Variants in PMPCB observed in about 807,000 individuals in gnomAD.
PMPCB encodes the protein mitochondrial-processing peptidase subunit beta.
A neutral mutation model predicts 61.5 loss-of-function variants in PMPCB; 46 were observed. The observed-to-expected ratio is 0.75, with a 90% CI of 0.59 to 0.96. PMPCB has a LOEUF of 0.96. Among genes scored for constraint, PMPCB ranks in the 40% least tolerant of loss-of-function variants. The probability of loss-of-function intolerance (pLI) is 0.00; values close to 1 mark genes in which losing one functional copy is unlikely to be tolerated. For synonymous variants in PMPCB, 191 were observed against 201.6 expected, an observed-to-expected ratio of 0.95 and a Z score of 0.44; for missense variants, 590 against 602.4, an observed-to-expected ratio of 0.98 and a Z score of 0.22.
rs182795573 is a variant in PMPCB, at chr7:103,314,369, G to C, written c.*2098G>C. The C allele has an allele frequency of 1.0e-6, 1 of 985,352 alleles. No individual in the cohort carries two copies. Among genetic ancestry groups the C allele is most frequent in the Admixed American group, 6.1e-5 (1 of 16,276 alleles). The allele number at this position is 985,352 out of a possible 1,614,324, so 61.0% of individuals were successfully genotyped here. ...TGCTGTTTAATGGTACAACTGAAGA[G>C]GAAGGAGCCTTCCCATTTCCATAAA... On this transcript the variant is annotated 3_prime_UTR_variant, in exon 13 of 13. Transcript: ENST00000249269.
At chr7:103,310,184 C>T (rs1295056645) in intron 8 of PMPCB, 131 bp from the exon 9 acceptor site, 2 of 666,376 alleles carry the variant, frequency 3.0e-6, no homozygotes, top group African/African-American at 1.8e-5. Flanking sequence ...TTTAACTCTA[C>T]TACTGAGATG....
Position 103,312,882 on chromosome 7 carries a change from T to C in PMPCB, c.*611T>C. 1 of 1,559,680 alleles carries C rather than the reference T, an allele frequency of 6.4e-7. No individual in the cohort carries two copies. The highest frequency in any genetic ancestry group is 8.6e-7 in the Non-Finnish European group (1 of 1,159,288). ...TATTAACCACTTAATAGACATAAAA[T>C]ATGAGCTATATCACCCAAGCTACAA... On this transcript the variant is annotated 3_prime_UTR_variant, in exon 13 of 13. Transcript: ENST00000249269.
chr7:103,319,528 G>A, downstream of PMPCB: 1 of 1,276,910 alleles, frequency 7.8e-7, no homozygotes, highest in Middle Eastern at 2.3e-4. Flanking sequence ...TGCACTTGGT[G>A]ACTTATATAT....
chr7:103,319,178 C>T (rs1818242370), downstream of PMPCB, among the ~76,000 whole-genome samples: 1 of 151,830 alleles, frequency 6.6e-6, no homozygotes, highest in Non-Finnish European at 1.5e-5. Context: ...GTGGTTCACA[C>T]CTATAATCCC....
intron 11 of PMPCB, 44 bp downstream of exon 11, chr7:103,311,940 C>T: frequency 1.3e-6 from 2 of 1,525,718 alleles, no homozygotes; most frequent in South Asian, 2.3e-5. Context: ...TAAAAAGATC[C>T]TTGTTACAAA....
chr7:103,328,218 G>C (rs1030036530), intron 12 of PMPCB, among the ~76,000 whole-genome samples: 11 of 151,864 alleles, frequency 7.2e-5, no homozygotes, highest in Non-Finnish European at 1.3e-4. Context: ...CACTGAGCCC[G>C]GCTTGAAGTA....
At chr7:103,344,795 G>T in the PMPCB span, 16 of 654,420 alleles carry the variant, frequency 2.4e-5, no homozygotes, top group African/African-American at 2.5e-4. Flanking sequence ...ATCTTTCGTG[G>T]TGTGGAGGCC....
At chr7:103,300,838 C>T (rs1817430361) in intron 4 of PMPCB, among the ~76,000 whole-genome samples, 1 of 152,160 alleles carries the variant, frequency 6.6e-6, no homozygotes, top group Non-Finnish European at 1.5e-5. Flanking sequence ...GCTCCTGCCA[C>T]CATAGCTGGC....
Position 103,326,770 on chromosome 7 carries a change from T to C in PMPCB, c.*1432-2161T>C, listed in dbSNP as rs2285983. 61 of 1,306,978 alleles carry C rather than the reference T, an allele frequency of 4.7e-5. No individual in the cohort carries two copies. The East Asian group carries it at 6.5e-4, about 14-fold the overall frequency. 81.0% of individuals were successfully genotyped at this position (1,306,978 alleles called of 1,614,324 possible). On this transcript the variant is annotated intron_variant and NMD_transcript_variant, in intron 12 of 12. Transcript: ENST00000444457. ...AACAAGTATTTCCCTCCTTAAAACA[T>C]AGAAGTCATTAATTTTCATATTTGA...
At chr7:103,316,630 ATATGT>A, downstream of PMPCB, 1 of 554,620 alleles carries the variant, frequency 1.8e-6, no homozygotes. Context: ...GTATTCTGTC[ATATGT>A]ATATGTGCAT....
downstream of PMPCB, among the ~76,000 whole-genome samples, chr7:103,315,425 T>TA (rs1817995069): frequency 6.6e-6 from 1 of 152,164 alleles, no homozygotes; most frequent in Non-Finnish European, 1.5e-5. Context: ...TAAGGACATT[T>TA]TCTTATATAA....
chr7:103,325,265 G>A (rs111584580), intron 12 of PMPCB, among the ~76,000 whole-genome samples: 3 of 152,244 alleles, frequency 2.0e-5, no homozygotes, highest in African/African-American at 7.2e-5. Context: ...CCAATATGGT[G>A]AAACCCCGTC....
chr7:103,300,984 A>T (rs969138454), intron 4 of PMPCB, among the ~76,000 whole-genome samples: 3 of 152,190 alleles, frequency 2.0e-5, no homozygotes, highest in Non-Finnish European at 4.4e-5. Flanking sequence ...GTGCACGGCC[A>T]TTAGTGAAAT....
At chr7:103,342,454 C>T in the PMPCB span, among the ~76,000 whole-genome samples, 1 of 151,558 alleles carries the variant, frequency 6.6e-6, no homozygotes, top group Non-Finnish European at 1.5e-5. Context: ...TACAGGCATG[C>T]GCCACCATGC....
chr7:103,327,576 T>TTGA, intron 12 of PMPCB: 1 of 888,496 alleles, frequency 1.1e-6, no homozygotes, highest in Non-Finnish European at 1.8e-6. Context: ...TGAACTACAG[T>TTGA]ATGCATAAGA....
At chr7:103,329,112 ACTGG>A in exon 13 of PMPCB, 1 of 526,028 alleles carries the variant, frequency 1.9e-6, no homozygotes, top group South Asian at 2.0e-5. Flanking sequence ...TCATCCTTTA[ACTGG>A]AAAAAGGAGG....
rs118080254 is a variant in PMPCB at position 103,313,310 on chromosome 7, C to G, written c.*1039C>G. 0.032 allele frequency: 41,764 copies of G among 1,313,960 alleles called. 761 individuals are homozygous for G. Among genetic ancestry groups the G allele is most frequent in the Non-Finnish European group, 0.035 (36,319 of 1,035,198 alleles). The allele number at this position is 1,313,960 out of a possible 1,614,324, so 81.4% of individuals were successfully genotyped here. Reference sequence around the variant, plus strand: ...GCTCACATCCCAGAAAATAAAATCTCAAAGGCTTTTAAAACACAATAGTAA... The same window carrying G: ...GCTCACATCCCAGAAAATAAAATCTGAAAGGCTTTTAAAACACAATAGTAA... On this transcript the variant is annotated 3_prime_UTR_variant, in exon 13 of 13. Coordinates refer to ENST00000249269, the MANE Select transcript of PMPCB (RefSeq NM_004279.3).
At chr7:103,346,431 G>A in the PMPCB span, among the ~76,000 whole-genome samples, 40 of 152,056 alleles carry the variant, frequency 2.6e-4, no homozygotes, top group Admixed American at 2.3e-3. Context: ...GTGCCCGGTC[G>A]GGGGTTTTGT....
rs1448827787 is a variant in PMPCB, at chr7:103,298,588, C to G, written c.120C>G (p.Asn40Lys). 2 of 1,613,838 alleles carry G rather than the reference C, an allele frequency of 1.2e-6. No homozygotes were observed. The highest frequency in any genetic ancestry group is 1.7e-6 in the Non-Finnish European group (2 of 1,179,892). ...AAGRSLYFGENRLRSTQAATQ... is the reference protein window; with the variant it reads ...AAGRSLYFGEKRLRSTQAATQ... ...ACCAGTCATTATATTTTGGAGAGAA[C>G]AGATTAAGAAGTACACAGGCTGCTA... is the stretch of plus-strand genomic sequence containing the variant. The change falls in exon 2 of 13, where the codon AAC (asparagine) becomes AAG (lysine). Residue 40 changes from asparagine to lysine, a missense_variant. By Grantham distance (94) the Asn-to-Lys change is moderately conservative. Transcript: ENST00000249269.
Sources: allele counts gnomAD v4.1 joint callset (sites outside exome capture counted in the v4.1 genomes callset), GRCh38; gene constraint gnomAD v4.1.1; transcripts MANE v1.5; gene names NCBI Gene and HGNC (gene_info 2026-07-23, HGNC 2026-07-21).